EIF3A: variants seen among roughly 807,000 people sequenced by gnomAD.
EIF3A encodes the protein EIF3, p180 subunit.
A neutral mutation model predicts 186.6 loss-of-function variants in EIF3A; 21 were observed. The ratio of observed to expected loss-of-function variants is 0.11; its 90% confidence interval spans 0.08 to 0.16. The LOEUF (loss-of-function observed/expected upper bound fraction) is 0.16. EIF3A is among the 10% of genes least tolerant of loss of function. The probability of loss-of-function intolerance (pLI) is 1.00; values close to 1 mark genes in which losing one functional copy is unlikely to be tolerated. For missense variants in EIF3A, 1,306 were observed against 1,796.3 expected, an observed-to-expected ratio of 0.73 and a Z score of 4.93; for synonymous variants, 563 against 584.3, an observed-to-expected ratio of 0.96 and a Z score of 0.52.
Position 119,035,189 on chromosome 10 carries a change from T to C in EIF3A, c.*850A>G, listed in dbSNP as rs1354872860. The C allele has an allele frequency of 2.6e-5, 4 of 152,226 alleles. No homozygotes were observed. The highest frequency in any genetic ancestry group is 4.8e-5 in the African/African-American group (2 of 41,336). 9.4% of individuals were successfully genotyped at this position (152,226 alleles called of 1,614,324 possible). On this transcript the variant is annotated 3_prime_UTR_variant, in exon 22 of 22. Transcript: ENST00000369144. ...CACAGTCATTACTACAAATTACTTG[T>C]TGAAAGAATCTATCTTCAAAAGAAA...
intron 4 of EIF3A, 139 bp downstream of exon 4, chr10:119,072,751 G>A (rs930555398): frequency 9.9e-5 from 103 of 1,039,122 alleles, no homozygotes; most frequent in Non-Finnish European, 7.7e-5. Flanking sequence ...CACCACATCC[G>A]GCCGCAGTCA....
chr10:119,056,985 T>A lies in EIF3A; in HGVS notation c.2033A>T (p.Glu678Val). The change falls in exon 13 of 22, where the codon GAG becomes GTG. Residue 678 changes from glutamate to valine, a missense_variant. Glu to Val is a moderately radical substitution (Grantham distance 121). Coordinates refer to ENST00000369144, the MANE Select transcript of EIF3A (RefSeq NM_003750.4). ...TTCTTGAAGTTCTTTCTTTTCTTTCTCCAGTTGTTCAACCTGTTTAGCCAT... is the reference window on the plus strand; with the variant it reads ...TTCTTGAAGTTCTTTCTTTTCTTTCACCAGTTGTTCAACCTGTTTAGCCAT... ...FIMAKQVEQL[E>V]KEKKELQERL... The A allele has an allele frequency of 6.2e-7, 1 of 1,613,344 alleles. No individual in the cohort carries two copies. Among genetic ancestry groups the A allele is most frequent in the South Asian group, 1.1e-5 (1 of 90,930 alleles).
Position 119,035,553 on chromosome 10 carries a change from TA to T in EIF3A, c.*485del. 2 of 152,894 alleles carry T rather than the reference TA, an allele frequency of 1.3e-5. No individual in the cohort carries two copies. The highest frequency in any genetic ancestry group is 4.8e-5 in the African/African-American group (2 of 41,520). The allele number at this position is 152,894 out of a possible 1,614,324, so 9.5% of individuals were successfully genotyped here. On this transcript the variant is annotated 3_prime_UTR_variant, in exon 22 of 22. Transcript: ENST00000369144. ...AAAAATTTCTAAATTTAGTTTATGGTAAATACCTCAAAATACCTAAAATAGG... is the reference window on the plus strand; with the variant it reads ...AAAAATTTCTAAATTTAGTTTATGGTAATACCTCAAAATACCTAAAATAGG...
At chr10:119,046,944 C>CA (rs1469644614) in intron 17 of EIF3A, among the ~76,000 whole-genome samples, 2 of 148,986 alleles carry the variant, frequency 1.3e-5, no homozygotes, top group African/African-American at 5.0e-5. Context: ...GCAAAAAGGG[C>CA]AAAAAAATTA....
At chr10:119,069,417 T>C (rs981629868) in intron 6 of EIF3A, 29 bp downstream of exon 6, 19 of 1,090,496 alleles carry the variant, frequency 1.7e-5, no homozygotes, top group Non-Finnish European at 2.5e-5. Flanking sequence ...TTACAGAATT[T>C]CAACATTATC....
intron 1 of EIF3A, among the ~76,000 whole-genome samples, chr10:119,079,040 G>A (rs1201938419): frequency 6.6e-6 from 1 of 152,066 alleles, no homozygotes; most frequent in East Asian, 1.9e-4. Flanking sequence ...AAATCATTTT[G>A]TATACTACAA....
At position 119,058,314 on chromosome 10, in the gene EIF3A, A is replaced by C. The variant is rs1589690888; in HGVS notation, c.1630-11T>G. 1 of 1,536,698 alleles carries C rather than the reference A, an allele frequency of 6.5e-7. No homozygotes were observed. The highest frequency in any genetic ancestry group is 1.2e-5 in the South Asian group (1 of 81,086). Reference sequence around the variant, plus strand: ...TTCTTCTTTCTCTTGCTTCAAAAACAAATGAATTTTTTTACATGACCAAAA... The same window carrying C: ...TTCTTCTTTCTCTTGCTTCAAAAACCAATGAATTTTTTTACATGACCAAAA... On this transcript the variant is annotated splice_polypyrimidine_tract_variant and intron_variant, in intron 11 of 21. Coordinates refer to ENST00000369144, the MANE Select transcript of EIF3A (RefSeq NM_003750.4).
In EIF3A at chr10:119,060,850, A is replaced by C. The variant is rs747177576; in HGVS notation, c.1228-6T>G. ...TCCCTAACCCAATTTAGAACCTATA[A>C]AATCCATTAAATTGAAAGAGAATCA... is the stretch of plus-strand genomic sequence containing the variant. On this transcript the variant is annotated splice_region_variant and splice_polypyrimidine_tract_variant and intron_variant, in intron 8 of 21. Transcript: ENST00000369144. The C allele has an allele frequency of 6.4e-7, 1 of 1,567,678 alleles. No homozygotes were observed. Among genetic ancestry groups the C allele is most frequent in the Non-Finnish European group, 8.7e-7 (1 of 1,152,730 alleles).
chr10:119,035,935 A>T lies in EIF3A; in HGVS notation c.*104T>A. 1.2e-6 allele frequency: 1 copy of T among 831,244 alleles called. No homozygotes were observed. The highest frequency in any genetic ancestry group is 2.0e-6 in the Non-Finnish European group (1 of 511,920). The allele number at this position is 831,244 out of a possible 1,614,324, so 51.5% of individuals were successfully genotyped here. ...CATGCTTTTTGTGTTATGGTGAAAC[A>T]ACATTAAAGAATCCAATTTAGATTG... On this transcript the variant is annotated 3_prime_UTR_variant, in exon 22 of 22. Transcript: ENST00000369144.
At position 119,038,276 on chromosome 10, in the gene EIF3A, C is replaced by T; in HGVS notation, c.3690G>A (p.Glu1230=). 1 of 1,614,076 alleles carries T rather than the reference C, an allele frequency of 6.2e-7. No homozygotes were observed. Among genetic ancestry groups the T allele is most frequent in the African/African-American group, 1.3e-5 (1 of 75,016 alleles). Reference sequence around the variant, plus strand: ...AGCGATCCTCTCGATCCACATCTCTCTCTCTGTCCCTTTCTCTCTCAGGGT... The same window carrying T: ...AGCGATCCTCTCGATCCACATCTCTTTCTCTGTCCCTTTCTCTCTCAGGGT... The part of the protein sequence containing the change: ...DKDPERERDR[E]RDVDREDRFR... The change falls in exon 20 of 22, where the codon GAG becomes GAA. Residue 1230 remains glutamate, a synonymous_variant. Coordinates refer to ENST00000369144, the MANE Select transcript of EIF3A (RefSeq NM_003750.4).
At chr10:119,057,084 A>T in intron 12 of EIF3A, 44 bp from the exon 13 acceptor site, 1 of 1,136,140 alleles carries the variant, frequency 8.8e-7, no homozygotes, top group Non-Finnish European at 1.3e-6. Flanking sequence ...AAGAGAAACA[A>T]GCAATGCCTA....
At chr10:119,070,435 T>C (rs1844053209) in intron 5 of EIF3A, among the ~76,000 whole-genome samples, 1 of 152,216 alleles carries the variant, frequency 6.6e-6, no homozygotes, top group Non-Finnish European at 1.5e-5. Context: ...TACCGAAGAA[T>C]ATAAAATACA....
Position 119,037,220 on chromosome 10 carries a change from C to T in EIF3A, c.3818G>A (p.Arg1273His). ...ACGCCGGTCATCCCTCTCACGGCGA[C>T]GGTCATCCCTATCCCTATCGTCCCG... is the stretch of plus-strand genomic sequence containing the variant. ...SRRDDRDRDD[R>H]RRERDDRRDL... The change falls in exon 21 of 22, where the codon CGT (arginine) becomes CAT (histidine). Residue 1273 changes from arginine to histidine, a missense_variant. By Grantham distance (29) the Arg-to-His change is conservative (BLOSUM62 0). Transcript: ENST00000369144. 1 of 1,614,082 alleles carries T rather than the reference C, an allele frequency of 6.2e-7. No homozygotes were observed. The highest frequency in any genetic ancestry group is 8.5e-7 in the Non-Finnish European group (1 of 1,180,006).
Position 119,059,530 on chromosome 10 carries a change from C to A in EIF3A, c.1443+72G>T, listed in dbSNP as rs745932907. On this transcript the variant is annotated intron_variant, in intron 10 of 21. Coordinates refer to ENST00000369144, the MANE Select transcript of EIF3A (RefSeq NM_003750.4). ...TAAAATGGTATCACTGTACCAAAAG[C>A]TGAGAAACAGAAGGTATGTGTCTTT... 4.0e-4 allele frequency: 546 copies of A among 1,372,132 alleles called. 2 individuals carry two copies. Among genetic ancestry groups the A allele is most frequent in the Middle Eastern group, 7.3e-4 (4 of 5,516 alleles). The allele number at this position is 1,372,132 out of a possible 1,614,324, so 85.0% of individuals were successfully genotyped here. A position where few individuals can be genotyped will look rare whatever the true frequency, so the allele number is the denominator to read the frequency against.
At chr10:119,044,027 G>T in intron 18 of EIF3A, 27 bp downstream of exon 18, 5 of 1,490,264 alleles carry the variant, frequency 3.4e-6, no homozygotes, top group Non-Finnish European at 4.7e-6. Flanking sequence ...GAACTGGAGC[G>T]GCATTATTTT....
intron 6 of EIF3A, among the ~76,000 whole-genome samples, chr10:119,068,985 AAAAAAG>A (rs1844029153): frequency 6.6e-6 from 1 of 151,884 alleles, no homozygotes; most frequent in Non-Finnish European, 1.5e-5. Flanking sequence ...AAAAAAAAAA[AAAAAAG>A]AAAAGGAAAA....
At chr10:119,050,932 C>T (rs1441124681) in intron 15 of EIF3A, among the ~76,000 whole-genome samples, 1 of 152,194 alleles carries the variant, frequency 6.6e-6, no homozygotes, top group Non-Finnish European at 1.5e-5. Flanking sequence ...AAATTAGAAT[C>T]TAAGCCCAGG....
intron 7 of EIF3A, among the ~76,000 whole-genome samples, chr10:119,062,316 A>G (rs1400185235): frequency 6.6e-6 from 1 of 152,224 alleles, no homozygotes; most frequent in African/African-American, 2.4e-5. Context: ...CTACTAAATT[A>G]TATTTCTCAC....
intron 1 of EIF3A, among the ~76,000 whole-genome samples, chr10:119,078,588 A>G (rs112795984): frequency 0.016 from 2,443 of 152,194 alleles, 73 homozygotes; most frequent in African/African-American, 0.056. Context: ...GATCCCTCAC[A>G]ATCCAAAGGT....
Sources: gnomAD v4.1 joint callset for allele counts (sites outside exome capture counted in the v4.1 genomes callset) on GRCh38, gnomAD v4.1.1 for gene constraint, MANE v1.5 for transcripts, NCBI Gene and HGNC (gene_info 2026-07-23, HGNC 2026-07-21) for gene names.